Variants in SIK3 observed in about 807,000 individuals in gnomAD.
SIK3 encodes SIK family kinase 3.
SIK3 carries 28 observed loss-of-function variants against 144.2 expected under a neutral mutation model. The observed-to-expected ratio is 0.19, with a 90% CI of 0.14 to 0.27. SIK3 has a LOEUF of 0.27. SIK3 is among the 10% of genes least tolerant of loss of function. The pLI, the probability that SIK3 is intolerant of heterozygous loss-of-function variation, is 1.00. For synonymous variants in SIK3, 686 were observed against 676.3 expected (o/e 1.01, Z -0.22); for missense variants, 1,319 against 1,776.0 (o/e 0.74, Z 4.62).
At chr11:117,084,590 T>G (rs988225460) in intron 1 of SIK3, among the ~76,000 whole-genome samples, 3 of 152,136 alleles carry the variant, frequency 2.0e-5, no homozygotes, top group Non-Finnish European at 4.4e-5. Flanking sequence ...TAAGTTATAT[T>G]CTTACCAATA....
At chr11:116,862,434 G>A (rs746792779) in intron 16 of SIK3, 107 bp from the exon 17 acceptor site, 52 of 1,434,758 alleles carry the variant, frequency 3.6e-5, no homozygotes, top group East Asian at 2.8e-4. Flanking sequence ...AGAAAGAGCC[G>A]CAAGAGAACA....
chr11:116,944,581 G>A (rs1210441978), intron 3 of SIK3, among the ~76,000 whole-genome samples: 1 of 152,192 alleles, frequency 6.6e-6, no homozygotes, highest in Non-Finnish European at 1.5e-5. Context: ...TCAATACCAG[G>A]AGTGTAACAT....
intron 12 of SIK3, 79 bp from the exon 13 acceptor site, chr11:116,873,715 G>T: frequency 6.7e-7 from 1 of 1,498,114 alleles, no homozygotes; most frequent in Non-Finnish European, 8.9e-7. Context: ...CTCATCTATG[G>T]AAATTAAGGG....
chr11:116,848,209 G>T (rs145730196), intron 22 of SIK3, among the ~76,000 whole-genome samples: 1 of 151,592 alleles, frequency 6.6e-6, no homozygotes, highest in South Asian at 2.1e-4. Context: ...ATACAAAAAA[G>T]GGTGGCGGGC....
rs2134300361 is a variant in SIK3 at position 116,849,818 on chromosome 11, C to G, written c.3656-535G>C. Among the ~76,000 whole-genome samples the G allele has an allele frequency of 6.6e-6, 1 of 152,268 alleles. No individual in the cohort carries two copies. The highest frequency in any genetic ancestry group is 2.4e-5 in the African/African-American group (1 of 41,538). ...TTTTGTCCTTGACCTTCTCTCTCCC[C>G]ACACTTACTCTGGCAACATCATCTA... On this transcript the variant is annotated intron_variant, in intron 21 of 24. Transcript: ENST00000445177. The surrounding 1 kb of genome is among the most constrained non-coding windows in gnomAD (Gnocchi z 4.2).
chr11:116,902,532 G>A (rs1945792602), intron 4 of SIK3, among the ~76,000 whole-genome samples: 1 of 152,160 alleles, frequency 6.6e-6, no homozygotes, highest in Non-Finnish European at 1.5e-5. Flanking sequence ...ACTAGAGAGA[G>A]CCACATCTGC....
Position 117,067,784 on chromosome 11 carries a change from C to T in SIK3, c.273+30359G>A, listed in dbSNP as rs1238595350. Among the ~76,000 whole-genome samples the T allele has an allele frequency of 2.0e-5, 3 of 149,156 alleles. No individual in the cohort carries two copies. The Admixed American group carries it at 2.0e-4, about 10-fold the overall frequency. On this transcript the variant is annotated intron_variant, in intron 1 of 24. Transcript: ENST00000445177. Reference sequence around the variant, plus strand: ...GGAGGATCACTTGAGGTCAGGAGTTCGAAACCAGCCAGGCCAACATGGTGA... The same window carrying T: ...GGAGGATCACTTGAGGTCAGGAGTTTGAAACCAGCCAGGCCAACATGGTGA...
At chr11:116,877,432 C>G (rs1430274138) in intron 6 of SIK3, among the ~76,000 whole-genome samples, 1 of 152,170 alleles carries the variant, frequency 6.6e-6, no homozygotes, top group Non-Finnish European at 1.5e-5. Flanking sequence ...CAGTTCTATC[C>G]TCCTAAATGT....
intron 3 of SIK3, among the ~76,000 whole-genome samples, chr11:116,951,939 A>AGAATAAAT (rs1948954676): frequency 8.9e-6 from 1 of 112,122 alleles, no homozygotes; most frequent in Admixed American, 1.0e-4. Flanking sequence ...AGCTCAAAAA[A>AGAATAAAT]GAATAAATAA....
intron 19 of SIK3, among the ~76,000 whole-genome samples, chr11:116,860,513 C>T (rs929540946): frequency 2.6e-5 from 4 of 152,136 alleles, no homozygotes; most frequent in African/African-American, 4.8e-5. Flanking sequence ...GAGGGGCCCA[C>T]GTGTATAGTA....
intron 15 of SIK3, among the ~76,000 whole-genome samples, chr11:116,865,750 T>G (rs1453242358): frequency 6.6e-6 from 1 of 152,178 alleles, no homozygotes; most frequent in Non-Finnish European, 1.5e-5. Flanking sequence ...TTTAATCATT[T>G]CCTCCAGAAA....
chr11:116,877,064 C>A, intron 6 of SIK3, 22 bp from the exon 7 acceptor site: 3 of 1,609,884 alleles, frequency 1.9e-6, no homozygotes, highest in Middle Eastern at 1.7e-4. Context: ...AAACAGCCTG[C>A]CTTCAGTCTC....
intron 1 of SIK3, among the ~76,000 whole-genome samples, chr11:117,096,387 G>A (rs1294349613): frequency 1.3e-5 from 2 of 151,998 alleles, no homozygotes; most frequent in Non-Finnish European, 2.9e-5. Flanking sequence ...ACAGAAAATA[G>A]GCAGAAAAAA....
intron 16 of SIK3, 135 bp from the exon 17 acceptor site, chr11:116,862,462 T>C (rs1943398085): frequency 1.9e-6 from 2 of 1,047,942 alleles, no homozygotes; most frequent in East Asian, 4.8e-5. Context: ...TGATGAGCAA[T>C]TAACTCATTT....
At chr11:116,908,801 ACT>A (rs1946186416) in intron 4 of SIK3, among the ~76,000 whole-genome samples, 1 of 152,216 alleles carries the variant, frequency 6.6e-6, no homozygotes, top group African/African-American at 2.4e-5. Context: ...AGCAAGTGGA[ACT>A]CTCACACCTA....
At chr11:116,895,975 T>A (rs920489649) in intron 6 of SIK3, among the ~76,000 whole-genome samples, 1 of 152,192 alleles carries the variant, frequency 6.6e-6, no homozygotes, top group African/African-American at 2.4e-5. Context: ...CTTACAGTAA[T>A]AGCAGCCCTC....
At chr11:116,947,569 A>ATGTATGTTTTT (rs374241141) in intron 3 of SIK3, among the ~76,000 whole-genome samples, 9 of 109,444 alleles carry the variant, frequency 8.2e-5, no homozygotes, top group Non-Finnish European at 1.3e-4. Flanking sequence ...GTATGTATGT[A>ATGTATGTTTTT]TTTTTTTTTT....
rs114630846 is a variant in SIK3, at chr11:116,980,068, T to C, written c.274-23004A>G. Among the ~76,000 whole-genome samples the C allele has an allele frequency of 1.3e-3, 196 of 152,328 alleles. 2 individuals carry two copies. The highest frequency in any genetic ancestry group is 4.5e-3 in the African/African-American group (189 of 41,574). On this transcript the variant is annotated intron_variant, in intron 1 of 24. Transcript: ENST00000445177. ...TAATTTACTCTACTCTGTATCCTCT[T>C]TCCACTGTATTTTTCGCTGCAAATG...
chr11:116,941,810 T>C (rs947120416), intron 3 of SIK3, among the ~76,000 whole-genome samples: 1 of 152,230 alleles, frequency 6.6e-6, no homozygotes, highest in African/African-American at 2.4e-5. Context: ...TATGACTTCA[T>C]GGTCTCAAAT....
Sources: gnomAD v4.1 joint callset for allele counts (sites outside exome capture counted in the v4.1 genomes callset) on GRCh38, gnomAD v4.1.1 for gene constraint, Gnocchi (gnomAD v3.1) non-coding constraint, MANE v1.5 for transcripts, NCBI Gene and HGNC (gene_info 2026-07-23, HGNC 2026-07-21) for gene names.